Variants in RPL39L observed in about 807,000 individuals in gnomAD.
RPL39L encodes ribosomal protein eL39-like 2.
For missense variants in RPL39L, 48 were observed against 58.9 expected (o/e 0.81, Z 0.61); for synonymous variants, 16 against 20.1 (o/e 0.80, Z 0.55).
chr3:187,134,005 A>G (rs1211669494), intron 1 of RPL39L, among the ~76,000 whole-genome samples: 1 of 152,168 alleles, frequency 6.6e-6, no homozygotes, highest in Non-Finnish European at 1.5e-5. Flanking sequence ...CATGAAAAAG[A>G]AAAAAACAAC....
At position 187,123,618 on chromosome 3, in the gene RPL39L, GAAAGA is replaced by G. The variant is rs1720349519; in HGVS notation, c.-28-2295_-28-2291del. Among the ~76,000 whole-genome samples the G allele has an allele frequency of 2.6e-5, 4 of 152,266 alleles. No individual in the cohort carries two copies. The South Asian group carries it at 8.3e-4, about 32-fold the overall frequency. On this transcript the variant is annotated intron_variant, in intron 2 of 2. Coordinates refer to ENST00000296277, the MANE Select transcript of RPL39L (RefSeq NM_052969.3). The stretch of plus-strand genomic sequence containing the variant: ...GAAAAAAAGTCTTCAAGAATACAGG[GAAAGA>G]ACTAGACTGGGTTGCCAACAAACCC...
intron 2 of RPL39L, among the ~76,000 whole-genome samples, chr3:187,122,080 G>A (rs1355990671): frequency 3.3e-5 from 5 of 152,034 alleles, no homozygotes; most frequent in African/African-American, 9.7e-5. Context: ...ACTATCTCAC[G>A]GTACTTTCAT....
intron 1 of RPL39L, among the ~76,000 whole-genome samples, chr3:187,132,480 A>C (rs762461424): frequency 6.6e-6 from 1 of 152,230 alleles, no homozygotes; most frequent in Non-Finnish European, 1.5e-5. Flanking sequence ...GTAATCAGGT[A>C]AATCTGATGC....
chr3:187,134,483 T>TAAAAAAAAGAAA (rs1720539115), intron 1 of RPL39L, among the ~76,000 whole-genome samples: 4 of 93,406 alleles, frequency 4.3e-5, no homozygotes, highest in African/African-American at 1.7e-4. Context: ...GCCTGACTGA[T>TAAAAAAAAGAAA]AAAAAAAAAA....
At chr3:187,121,909 T>C (rs766409455) in intron 2 of RPL39L, among the ~76,000 whole-genome samples, 4 of 152,204 alleles carry the variant, frequency 2.6e-5, no homozygotes, top group Non-Finnish European at 5.9e-5. Flanking sequence ...TCAATAACCC[T>C]TTACATTTGG....
At chr3:187,131,243 T>C (rs12633435) in intron 1 of RPL39L, among the ~76,000 whole-genome samples, 48,559 of 151,960 alleles carry the variant, frequency 0.32, 9,799 homozygotes, top group African/African-American at 0.56. Flanking sequence ...TTTGGGAGGC[T>C]GAGGCAGGCA....
chr3:187,125,637 C>T (rs998987784), intron 2 of RPL39L, among the ~76,000 whole-genome samples: 3 of 151,696 alleles, frequency 2.0e-5, no homozygotes, highest in African/African-American at 4.8e-5. Context: ...CCACCTGCTG[C>T]CTGTTGATCA....
chr3:187,126,101 A>T (rs1363526853), intron 2 of RPL39L, among the ~76,000 whole-genome samples: 3 of 152,102 alleles, frequency 2.0e-5, no homozygotes, highest in Non-Finnish European at 4.4e-5. Context: ...CCCATGTCTG[A>T]TTAAACTTGT....
intron 1 of RPL39L, among the ~76,000 whole-genome samples, chr3:187,136,685 C>T (rs774587921): frequency 6.6e-6 from 1 of 151,680 alleles, no homozygotes; most frequent in East Asian, 1.9e-4. Flanking sequence ...TTTTTCTGAA[C>T]ATTATAAGAA....
intron 1 of RPL39L, among the ~76,000 whole-genome samples, chr3:187,136,165 T>C (rs1720575497): frequency 6.6e-6 from 1 of 152,208 alleles, no homozygotes. Flanking sequence ...AAGCTTAAAT[T>C]TACAGGTAAT....
Position 187,130,816 on chromosome 3 carries a change from A to G in RPL39L, c.-92-2754T>C, listed in dbSNP as rs73068745. On this transcript the variant is annotated intron_variant, in intron 1 of 2. Coordinates refer to ENST00000296277, the MANE Select transcript of RPL39L (RefSeq NM_052969.3). ...AGCAATCTTTAATTTTGAAACTGAA[A>G]GTACTCAAGTATTTTATATGCAGAG... is the stretch of plus-strand genomic sequence containing the variant. Among the ~76,000 whole-genome samples, 493 of 152,326 alleles carry G rather than the reference A, an allele frequency of 3.2e-3. 2 individuals carry two copies. Among genetic ancestry groups the G allele is most frequent in the African/African-American group, 0.012 (479 of 41,566 alleles).
chr3:187,128,234 G>C (rs550256803), intron 1 of RPL39L, among the ~76,000 whole-genome samples, 172 bp from the exon 2 acceptor site: 2 of 152,254 alleles, frequency 1.3e-5, no homozygotes, highest in South Asian at 2.1e-4. Context: ...CAACAAAATT[G>C]AAACACGTAA....
chr3:187,135,804 GTT>G (rs1720569685), intron 1 of RPL39L, among the ~76,000 whole-genome samples: 1 of 152,212 alleles, frequency 6.6e-6, no homozygotes, highest in Non-Finnish European at 1.5e-5. Flanking sequence ...TTGGCTTATG[GTT>G]TTGCAGGTGG....
chr3:187,131,766 T>C (rs1579413451), intron 1 of RPL39L, among the ~76,000 whole-genome samples: 1 of 152,350 alleles, frequency 6.6e-6, no homozygotes, highest in East Asian at 1.9e-4. Flanking sequence ...GTAAAATATT[T>C]AGGACAATGC....
intron 1 of RPL39L, among the ~76,000 whole-genome samples, chr3:187,137,237 G>C (rs1363140090): frequency 6.9e-6 from 1 of 145,642 alleles, no homozygotes; most frequent in Non-Finnish European, 1.5e-5. Context: ...GTCAGGTGCA[G>C]TGGCTCACAC....
rs371791447 is a variant in RPL39L at position 187,124,147 on chromosome 3, AG to A, written c.-28-2820del. On this transcript the variant is annotated intron_variant, in intron 2 of 2. Transcript: ENST00000296277. Reference sequence around the variant, plus strand: ...GCCCCACACATCTCAGGTGATTCAGAGGACCTCAAGGAGTTCAATTTTCTCA... The same window carrying A: ...GCCCCACACATCTCAGGTGATTCAGAGACCTCAAGGAGTTCAATTTTCTCA... Among the ~76,000 whole-genome samples, 50 of 152,352 alleles carry A rather than the reference AG, an allele frequency of 3.3e-4. No individual in the cohort carries two copies. In the East Asian group the frequency reaches 7.9e-3, roughly 24 times the overall value.
rs537587905 is a variant in RPL39L, at chr3:187,121,336, G to A, written c.-28-8C>T. On this transcript the variant is annotated splice_polypyrimidine_tract_variant and splice_region_variant and intron_variant, in intron 2 of 2. Coordinates refer to ENST00000296277, the MANE Select transcript of RPL39L (RefSeq NM_052969.3). Reference sequence around the variant, plus strand: ...AGAGTCAACCACACACCACTATGGCGGAGAAAGGGAGAGAGAGACAGAGAC... The same window carrying A: ...AGAGTCAACCACACACCACTATGGCAGAGAAAGGGAGAGAGAGACAGAGAC... 3.7e-5 allele frequency: 59 copies of A among 1,607,886 alleles called. No individual in the cohort carries two copies. The highest frequency in any genetic ancestry group is 2.3e-4 in the African/African-American group (17 of 74,716).
At chr3:187,133,622 C>A (rs1393831944) in intron 1 of RPL39L, among the ~76,000 whole-genome samples, 1 of 151,994 alleles carries the variant, frequency 6.6e-6, no homozygotes. Flanking sequence ...ACCAGGATGA[C>A]CAAGTCTTCT....
At chr3:187,133,719 T>C (rs1379871510) in intron 1 of RPL39L, among the ~76,000 whole-genome samples, 1 of 151,942 alleles carries the variant, frequency 6.6e-6, no homozygotes, top group Non-Finnish European at 1.5e-5. Flanking sequence ...TGGTATAGGC[T>C]CATTGGGAAG....
Sources: gnomAD v4.1 joint callset for allele counts (sites outside exome capture counted in the v4.1 genomes callset) on GRCh38, gnomAD v4.1.1 for gene constraint, MANE v1.5 for transcripts, NCBI Gene and HGNC (gene_info 2026-07-23, HGNC 2026-07-21) for gene names.